The following DIPK1A variants were observed in gnomAD, a reference collection of about 807,000 sequenced individuals.
DIPK1A encodes divergent protein kinase domain 1A.
DIPK1A carries 27 observed loss-of-function variants against 40.8 expected under a neutral mutation model. The ratio of observed to expected loss-of-function variants is 0.66; its 90% CI spans 0.49 to 0.91. DIPK1A has a LOEUF of 0.91. Among genes scored for constraint, DIPK1A ranks in the 40% least tolerant of loss-of-function variants. DIPK1A has a pLI of 0.00. For synonymous variants in DIPK1A, 166 were observed against 171.3 expected (o/e 0.97, Z 0.24); for missense variants, 412 against 505.7 (o/e 0.81, Z 1.78).
intron 1 of DIPK1A, among the ~76,000 whole-genome samples, chr1:92,894,155 A>C (rs1247204951): frequency 2.0e-5 from 3 of 152,184 alleles, no homozygotes; most frequent in Non-Finnish European, 1.5e-5. Flanking sequence ...AAGCGGACCT[A>C]ATAGGCATCT....
chr1:92,867,283 T>C (rs1486337099), intron 2 of DIPK1A, among the ~76,000 whole-genome samples: 1 of 151,012 alleles, frequency 6.6e-6, no homozygotes, highest in African/African-American at 2.4e-5. Flanking sequence ...CTTGATCTCT[T>C]GACCTCGTGA....
chr1:92,935,179 C>G (rs1162312147), intron 1 of DIPK1A, among the ~76,000 whole-genome samples: 1 of 152,160 alleles, frequency 6.6e-6, no homozygotes, highest in Non-Finnish European at 1.5e-5. Context: ...ATTCCCAGTT[C>G]AATATTTCCA....
intron 4 of DIPK1A, among the ~76,000 whole-genome samples, chr1:92,845,673 C>A (rs183325617): frequency 6.6e-6 from 1 of 151,652 alleles, no homozygotes; most frequent in African/African-American, 2.4e-5. Flanking sequence ...AATCCCATCT[C>A]TACTAAAAAT....
chr1:92,842,317 T>C lies in DIPK1A; in HGVS notation c.*1066A>G, dbSNP rs756301046. 6 of 986,086 alleles carry C rather than the reference T, an allele frequency of 6.1e-6. No individual in the cohort carries two copies. The African/African-American group carries it at 7.0e-5, about 11-fold the overall frequency. 61.1% of individuals were successfully genotyped at this position (986,086 alleles called of 1,614,324 possible). A position where few individuals can be genotyped will look rare whatever the true frequency, so the allele number is the denominator to read the frequency against. ...CATAGATTTTTAACATGTTCCACTT[T>C]AGGTAGGCGAAACCTTTGAGCAGAA... On this transcript the variant is annotated 3_prime_UTR_variant, in exon 5 of 5. Coordinates refer to ENST00000370310, the MANE Select transcript of DIPK1A (RefSeq NM_001006605.5).
intron 1 of DIPK1A, among the ~76,000 whole-genome samples, chr1:92,951,740 T>C (rs1651640370): frequency 6.6e-6 from 1 of 152,178 alleles, no homozygotes; most frequent in Non-Finnish European, 1.5e-5. Flanking sequence ...ACTCAATTAC[T>C]ATAAAATCCA....
chr1:92,851,811 T>G (rs187528821), intron 2 of DIPK1A, among the ~76,000 whole-genome samples: 2 of 152,290 alleles, frequency 1.3e-5, no homozygotes, highest in African/African-American at 4.8e-5. Flanking sequence ...TCAGACAAAG[T>G]TGGCAGAGCA....
At chr1:92,854,616 G>T (rs1213450402) in intron 2 of DIPK1A, among the ~76,000 whole-genome samples, 1 of 152,208 alleles carries the variant, frequency 6.6e-6, no homozygotes, top group Admixed American at 6.5e-5. Flanking sequence ...GAAGTTCCTG[G>T]ACAAGCCCTT....
Position 92,843,721 on chromosome 1 carries a change from C to T in DIPK1A, c.949G>A (p.Val317Met), listed in dbSNP as rs1200395152. ...DLKMVDMRKIVPETNLKELIK... is the reference protein window; with the variant it reads ...DLKMVDMRKIMPETNLKELIK... ...AGTTCTTTCAGGTTTGTCTCTGGCACAATTTTTCTCATATCCACCATTTTC... is the reference window on the plus strand; with the variant it reads ...AGTTCTTTCAGGTTTGTCTCTGGCATAATTTTTCTCATATCCACCATTTTC... The change falls in exon 5 of 5, where the codon GTG becomes ATG. Residue 317 changes from valine to methionine, a missense_variant. By Grantham distance (21) the Val-to-Met change is conservative. Coordinates refer to ENST00000370310, the MANE Select transcript of DIPK1A (RefSeq NM_001006605.5). 1.3e-6 allele frequency: 2 copies of T among 1,551,590 alleles called. No individual in the cohort carries two copies. Among genetic ancestry groups the T allele is most frequent in the South Asian group, 1.2e-5 (1 of 84,064 alleles).
At chr1:92,911,848 C>T (rs1047212790) in intron 1 of DIPK1A, among the ~76,000 whole-genome samples, 1 of 151,040 alleles carries the variant, frequency 6.6e-6, no homozygotes, top group Non-Finnish European at 1.5e-5. Flanking sequence ...TAAAAATACA[C>T]AAAAAATTAG....
rs1290063489 is a variant in DIPK1A at position 92,843,382 on chromosome 1, A to C, written c.*1T>G. 2 of 1,527,272 alleles carry C rather than the reference A, an allele frequency of 1.3e-6. No homozygotes were observed. Among genetic ancestry groups the C allele is most frequent in the Non-Finnish European group, 1.8e-6 (2 of 1,135,386 alleles). The allele number at this position is 1,527,272 out of a possible 1,614,324, so 94.6% of individuals were successfully genotyped here. A position where few individuals can be genotyped will look rare whatever the true frequency, so the allele number is the denominator to read the frequency against. On this transcript the variant is annotated 3_prime_UTR_variant, in exon 5 of 5. Coordinates refer to ENST00000370310, the MANE Select transcript of DIPK1A (RefSeq NM_001006605.5). ...TAAAATGGTAATTATGTCCAAATGA[A>C]CTAAGAGTCATTAGTGTAGGAAATT... is the stretch of plus-strand genomic sequence containing the variant.
intron 1 of DIPK1A, among the ~76,000 whole-genome samples, chr1:92,910,323 C>G (rs1649781810): frequency 6.6e-6 from 1 of 152,144 alleles, no homozygotes; most frequent in Non-Finnish European, 1.5e-5. Flanking sequence ...CAGCTGATAA[C>G]ATTCTTTAAT....
chr1:92,944,520 C>A (rs1396293608), intron 1 of DIPK1A, among the ~76,000 whole-genome samples: 4 of 152,196 alleles, frequency 2.6e-5, no homozygotes, highest in African/African-American at 9.7e-5. Flanking sequence ...CAGGGGATAT[C>A]AGAAGTCAAA....
At chr1:92,936,692 A>G (rs1355689287) in intron 1 of DIPK1A, among the ~76,000 whole-genome samples, 1 of 152,076 alleles carries the variant, frequency 6.6e-6, no homozygotes, top group Non-Finnish European at 1.5e-5. Context: ...GTTTTAGTCC[A>G]GTTCTGCCAG....
chr1:92,843,675 TCA>T lies in DIPK1A; in HGVS notation c.993_994del (p.Cys331Ter). ...GCCATAGACACAGTCCAAATCAGACTCACAGTGACGATCCTTAATAAGTTCTT... is the reference window on the plus strand; with the variant it reads ...GCCATAGACACAGTCCAAATCAGACTCAGTGACGATCCTTAATAAGTTCTT... On this transcript the variant is annotated stop_gained and frameshift_variant, in exon 5 of 5. Coordinates refer to ENST00000370310, the MANE Select transcript of DIPK1A (RefSeq NM_001006605.5). LOFTEE classifies it high-confidence loss of function. 6.4e-7 allele frequency: 1 copy of T among 1,551,776 alleles called. No homozygotes were observed. The highest frequency in any genetic ancestry group is 8.7e-7 in the Non-Finnish European group (1 of 1,147,008).
At chr1:92,864,835 A>T (rs1647456336) in intron 2 of DIPK1A, among the ~76,000 whole-genome samples, 1 of 151,988 alleles carries the variant, frequency 6.6e-6, no homozygotes, top group Non-Finnish European at 1.5e-5. Flanking sequence ...AGATCAGGGG[A>T]TTGAGACCAG....
At chr1:92,954,137 A>C (rs1339439099) in intron 1 of DIPK1A, among the ~76,000 whole-genome samples, 1 of 152,052 alleles carries the variant, frequency 6.6e-6, no homozygotes, top group African/African-American at 2.4e-5. Flanking sequence ...AAAGTTTTAA[A>C]GGAAAATTAT....
intron 1 of DIPK1A, among the ~76,000 whole-genome samples, chr1:92,940,656 T>A (rs922695115): frequency 3.9e-5 from 6 of 152,380 alleles, no homozygotes; most frequent in African/African-American, 1.4e-4. Flanking sequence ...GAAAACTATA[T>A]ACCCCCTTGC....
In DIPK1A at chr1:92,843,437, T is replaced by A; in HGVS notation, c.1233A>T (p.Leu411=). Residue 411 remains leucine (L), a synonymous_variant, in exon 5 of 5, where the codon CTA becomes CTT. Coordinates refer to ENST00000370310, the MANE Select transcript of DIPK1A (RefSeq NM_001006605.5). ...TCCACAATAATGTTTTTAGGTTATT[T>A]AGTATCAAAGAATGTTCCATTTCCA... ...NQMEMEHSLI[L]NNLKTLLWKK... 6.4e-7 allele frequency: 1 copy of A among 1,550,738 alleles called. No individual in the cohort carries two copies.
rs1553126125 is a variant in DIPK1A at position 92,865,051 on chromosome 1, A to AAC, written c.189+11244_189+11245insGT. 2.0e-5 allele frequency among the ~76,000 whole-genome samples: 3 copies of AAC among 150,638 alleles called. No homozygotes were observed. In the South Asian group the frequency reaches 6.3e-4, roughly 32 times the overall value. ...AGTGAGACTCCGTCTCAAAAAAAAA[A>AAC]AAAAAAAAAAAGATATAACATACTA... On this transcript the variant is annotated intron_variant, in intron 2 of 4. Coordinates refer to ENST00000370310, the MANE Select transcript of DIPK1A (RefSeq NM_001006605.5).
Sources: allele counts gnomAD v4.1 joint callset (sites outside exome capture counted in the v4.1 genomes callset), GRCh38; gene constraint gnomAD v4.1.1; transcripts MANE v1.5; gene names NCBI Gene and HGNC (gene_info 2026-07-23, HGNC 2026-07-21).